Variants in PCDHGA9 observed in about 807,000 individuals in gnomAD.
PCDHGA9 encodes the protein protocadherin gamma-A9.
PCDHGA9 carries 37 observed loss-of-function variants against 62.5 expected under a neutral mutation model. The ratio of observed to expected loss-of-function variants is 0.59; its 90% CI spans 0.46 to 0.78. The LOEUF (loss-of-function observed/expected upper bound fraction) is 0.78. Among genes scored for constraint, PCDHGA9 ranks in the 30% least tolerant of loss-of-function variants. The pLI is 0.00. For missense variants in PCDHGA9, 1,138 were observed against 1,166.2 expected (o/e 0.98, Z 0.35); for synonymous variants, 459 against 484.6 (o/e 0.95, Z 0.69).
chr5:141,433,076 C>G, intron 1 of PCDHGA9: 1 of 1,614,188 alleles, frequency 6.2e-7, no homozygotes, highest in Non-Finnish European at 8.5e-7. Context: ...CTTCCCCCAG[C>G]CCAACTATGC....
intron 1 of PCDHGA9, chr5:141,411,845 G>C (rs984420523): frequency 6.6e-6 from 1 of 151,920 alleles, no homozygotes; most frequent in Non-Finnish European, 1.5e-5. Context: ...AGGTGACAGA[G>C]TGAGACCCTG....
intron 1 of PCDHGA9, among the ~76,000 whole-genome samples, chr5:141,466,670 G>A (rs994949602): frequency 9.2e-5 from 14 of 152,046 alleles, no homozygotes; most frequent in African/African-American, 2.2e-4. Flanking sequence ...TGATTTCACC[G>A]TTCTTCCACT....
chr5:141,496,984 G>C (rs938752499), intron 2 of PCDHGA9, among the ~76,000 whole-genome samples: 1 of 151,896 alleles, frequency 6.6e-6, no homozygotes, highest in Admixed American at 6.6e-5. Context: ...TCAGGGGTTT[G>C]AGACCAGCCT....
intron 1 of PCDHGA9, 161 bp from the exon 2 acceptor site, chr5:141,494,646 T>C (rs1324048407): frequency 1.1e-6 from 1 of 935,836 alleles, no homozygotes; most frequent in East Asian, 1.2e-4. Flanking sequence ...AGACCTGAGG[T>C]GTATTTTGTC....
At position 141,489,924 on chromosome 5, in the gene PCDHGA9, C is replaced by G. The variant is rs755286650; in HGVS notation, c.2425-4883C>G. ...CAGCCCGCTCAGGGACCACCCTTAT[C>G]TCTGTCATCGTGCTGGACATCAATG... is the stretch of plus-strand genomic sequence containing the variant. On this transcript the variant is annotated intron_variant, in intron 1 of 3. Transcript: ENST00000573521. This position sits in a 1 kb window ranked among gnomAD's most constrained non-coding sequence, Gnocchi z 4.5. 22 of 1,614,226 alleles carry G rather than the reference C, an allele frequency of 1.4e-5. No homozygotes were observed. The highest frequency in any genetic ancestry group is 1.9e-5 in the Non-Finnish European group (22 of 1,180,030).
chr5:141,442,561 G>C (rs2098332268), intron 1 of PCDHGA9: 1 of 152,198 alleles, frequency 6.6e-6, no homozygotes, highest in African/African-American at 2.4e-5. Context: ...ACTAAGTTCA[G>C]TCACAAGCAG....
intron 1 of PCDHGA9, among the ~76,000 whole-genome samples, chr5:141,452,388 A>G (rs892688242): frequency 3.9e-5 from 6 of 152,210 alleles, no homozygotes; most frequent in Non-Finnish European, 5.9e-5. Flanking sequence ...TAGTATTTAG[A>G]AACTAAGATC....
intron 1 of PCDHGA9, chr5:141,408,164 A>G (rs2095051548): frequency 6.6e-7 from 1 of 1,520,576 alleles, no homozygotes; most frequent in South Asian, 1.3e-5. Context: ...ACTTTCTCCA[A>G]CTGGAAAAGC....
intron 1 of PCDHGA9, chr5:141,418,580 G>A: frequency 1.2e-5 from 20 of 1,614,018 alleles, no homozygotes; most frequent in Non-Finnish European, 1.7e-5. Flanking sequence ...CAACCCCCCA[G>A]TGTTCAGCCA....
At chr5:141,506,699 C>T (rs758682427) in intron 3 of PCDHGA9, among the ~76,000 whole-genome samples, 2 of 152,094 alleles carry the variant, frequency 1.3e-5, no homozygotes, top group Non-Finnish European at 2.9e-5. Flanking sequence ...GACCCAAACC[C>T]GTTTTTTACT....
intron 1 of PCDHGA9, chr5:141,418,567 T>C: frequency 6.2e-7 from 1 of 1,614,014 alleles, no homozygotes; most frequent in Non-Finnish European, 8.5e-7. Flanking sequence ...TAGATGCCAA[T>C]GACAACCCCC....
At chr5:141,508,841 C>G (rs969875150) in intron 3 of PCDHGA9, among the ~76,000 whole-genome samples, 1 of 152,140 alleles carries the variant, frequency 6.6e-6, no homozygotes, top group Admixed American at 6.5e-5. Flanking sequence ...TCCCCTACCC[C>G]TTCCATTCCC....
rs774780380 is a variant in PCDHGA9 at position 141,432,864 on chromosome 5, G to C, written c.2424+27488G>C. Reference sequence around the variant, plus strand: ...GTGGTAGCGGTGGCCGCGGTCTCCTGCGTCTTCCTGGCCTTCGTCATCTTG... The same window carrying C: ...GTGGTAGCGGTGGCCGCGGTCTCCTCCGTCTTCCTGGCCTTCGTCATCTTG... On this transcript the variant is annotated intron_variant, in intron 1 of 3. Coordinates refer to ENST00000573521, the MANE Select transcript of PCDHGA9 (RefSeq NM_018921.3). The surrounding 1 kb of genome is among the most constrained non-coding windows in gnomAD (Gnocchi z 6.0). 6.2e-7 allele frequency: 1 copy of C among 1,614,168 alleles called. No homozygotes were observed.
chr5:141,503,392 C>T lies in PCDHGA9; in HGVS notation c.2484-2001C>T, dbSNP rs554732406. 1.2e-4 allele frequency among the ~76,000 whole-genome samples: 18 copies of T among 151,870 alleles called. No individual in the cohort carries two copies. The South Asian group carries it at 3.5e-3, about 30-fold the overall frequency. On this transcript the variant is annotated intron_variant, in intron 2 of 3. Transcript: ENST00000573521. ...CAGGTGGATCATGAGGTCAGGAGTT[C>T]GAAACCAACCTGGCCAATATGGTGA...
At chr5:141,507,807 A>AACGG (rs1465406594) in intron 3 of PCDHGA9, among the ~76,000 whole-genome samples, 2 of 152,152 alleles carry the variant, frequency 1.3e-5, no homozygotes, top group East Asian at 3.9e-4. Flanking sequence ...CGCCCTGGGG[A>AACGG]ACGGACCCTG....
intron 1 of PCDHGA9, chr5:141,412,334 T>C (rs371361193): frequency 2.0e-5 from 3 of 152,262 alleles, no homozygotes; most frequent in Admixed American, 1.3e-4. Flanking sequence ...GCAACTGTAA[T>C]ATATGTTCAT....
In PCDHGA9 at chr5:141,408,496, G is replaced by C. The variant is rs758752081; in HGVS notation, c.2424+3120G>C. On this transcript the variant is annotated intron_variant, in intron 1 of 3. Coordinates refer to ENST00000573521, the MANE Select transcript of PCDHGA9 (RefSeq NM_018921.3). The stretch of plus-strand genomic sequence containing the variant: ...TAGACCGTGAGCAAATATGCAAAGA[G>C]AGAAGAAGATGTGAGTTGCAATTGG... 21 of 1,613,960 alleles carry C rather than the reference G, an allele frequency of 1.3e-5. No individual in the cohort carries two copies. In the East Asian group the frequency reaches 1.3e-4, roughly 10 times the overall value.
At chr5:141,436,778 G>A (rs2097846346) in intron 1 of PCDHGA9, among the ~76,000 whole-genome samples, 1 of 152,154 alleles carries the variant, frequency 6.6e-6, no homozygotes, top group African/African-American at 2.4e-5. Flanking sequence ...ATTTGTGGAT[G>A]GAAATAAAAC....
chr5:141,427,798 T>A, intron 1 of PCDHGA9: 1 of 1,506,550 alleles, frequency 6.6e-7, no homozygotes. Context: ...TACGTGTCCG[T>A]GAGCGCACAG....
Sources: gnomAD v4.1 joint callset for allele counts (sites outside exome capture counted in the v4.1 genomes callset) on GRCh38, gnomAD v4.1.1 for gene constraint, Gnocchi (gnomAD v3.1) non-coding constraint, MANE v1.5 for transcripts, NCBI Gene and HGNC (gene_info 2026-07-23, HGNC 2026-07-21) for gene names.